DNAH11: variants seen among roughly 807,000 people sequenced by gnomAD.
DNAH11 encodes the protein axonemal beta dynein heavy chain 11.
Under a neutral mutation model 526.0 loss-of-function variants are expected in DNAH11, and 442 were observed. The observed-to-expected ratio is 0.84, with a 90% CI of 0.78 to 0.91. DNAH11 has a LOEUF of 0.91. Among genes scored for constraint, DNAH11 ranks in the 40% least tolerant of loss-of-function variants. The probability of loss-of-function intolerance (pLI) is 0.00; values close to 1 mark genes in which losing one functional copy is unlikely to be tolerated. For missense variants in DNAH11, 6,989 were observed against 5,448.7 expected (o/e 1.28, Z -8.90); for synonymous variants, 2,461 against 1,935.9 (o/e 1.27, Z -7.12).
At chr7:21,594,950 T>C (rs1784813076) in intron 14 of DNAH11, among the ~76,000 whole-genome samples, 1 of 152,118 alleles carries the variant, frequency 6.6e-6, no homozygotes, top group Admixed American at 6.5e-5. Context: ...TCTAAAAGGA[T>C]TTCTGGCTGT....
At chr7:21,850,334 C>T (rs945216019) in intron 66 of DNAH11, among the ~76,000 whole-genome samples, 132 of 133,330 alleles carry the variant, frequency 9.9e-4, no homozygotes, top group African/African-American at 3.5e-3. Flanking sequence ...CCAGCCTGGG[C>T]GACAGAGGAG....
Position 21,784,482 on chromosome 7 carries a change from TACTC to T in DNAH11, c.9541_9544del (p.Leu3181ArgfsTer24). On this transcript the variant is annotated frameshift_variant, in exon 58 of 82. Transcript: ENST00000409508. LOFTEE classifies it high-confidence loss of function. ...AAACAGAGAGAATGTGAAGCTGACT[TACTC>T]AAGGCTGAGCCTGCACTGGTGGCTG... The T allele has an allele frequency of 6.2e-7, 1 of 1,613,588 alleles. No individual in the cohort carries two copies. Among genetic ancestry groups the T allele is most frequent in the Non-Finnish European group, 8.5e-7 (1 of 1,179,700 alleles).
At chr7:21,789,816 C>CTTTCTTTCTTTCTTTCTTTCTTT (rs1788379929) in intron 61 of DNAH11, among the ~76,000 whole-genome samples, 14 of 70,148 alleles carry the variant, frequency 2.0e-4, no homozygotes, top group Non-Finnish European at 4.2e-4. Flanking sequence ...TTTTTTCTTT[C>CTTTCTTTCTTTCTTTCTTTCTTT]TTTCTTTCTT....
At chr7:21,814,726 T>G (rs1021835748) in intron 63 of DNAH11, among the ~76,000 whole-genome samples, 2 of 152,152 alleles carry the variant, frequency 1.3e-5, no homozygotes, top group Admixed American at 6.5e-5. Context: ...TATAATCTTA[T>G]GAAACCACTG....
intron 28 of DNAH11, among the ~76,000 whole-genome samples, chr7:21,654,721 A>G (rs1203552290): frequency 2.0e-5 from 3 of 152,222 alleles, no homozygotes; most frequent in Middle Eastern, 3.4e-3. Context: ...ATGTATTCCC[A>G]TTTCTGATAC....
chr7:21,622,728 C>T (rs1284940678), intron 25 of DNAH11, among the ~76,000 whole-genome samples: 5 of 151,966 alleles, frequency 3.3e-5, no homozygotes, highest in Admixed American at 6.6e-5. Context: ...AAGGATTCCC[C>T]ATTTAATAAA....
At chr7:21,874,742 T>C (rs897247083) in intron 74 of DNAH11, among the ~76,000 whole-genome samples, 2 of 152,024 alleles carry the variant, frequency 1.3e-5, no homozygotes, top group African/African-American at 4.8e-5. Context: ...CATTACTCTT[T>C]TTACCCAAAC....
chr7:21,601,367 GTGTATCTA>G, intron 17 of DNAH11, 21 bp from the exon 18 acceptor site: 1 of 1,572,790 alleles, frequency 6.4e-7, no homozygotes, highest in Non-Finnish European at 8.7e-7. Flanking sequence ...CTTAATTTGT[GTGTATCTA>G]TGTACATATA....
In DNAH11 at chr7:21,744,520, A is replaced by G. The variant is rs778293033; in HGVS notation, c.8237A>G (p.Tyr2746Cys). The G allele has an allele frequency of 1.2e-6, 2 of 1,613,928 alleles. No homozygotes were observed. Among genetic ancestry groups the G allele is most frequent in the South Asian group, 1.1e-5 (1 of 91,056 alleles). The change falls in exon 50 of 82, where the codon TAT becomes TGT. Residue 2746 changes from tyrosine to cysteine, a missense_variant. Transcript: ENST00000409508. ...HLWLHESARV[Y>C]GDKLIDKKDC... ...TGGCTTCATGAATCTGCCCGTGTTT[A>G]TGGAGACAAACTGATAGACAAAAAA...
chr7:21,588,136 C>G lies in DNAH11; in HGVS notation c.1783C>G (p.Leu595Val). 1.2e-6 allele frequency: 2 copies of G among 1,613,298 alleles called. No individual in the cohort carries two copies. Among genetic ancestry groups the G allele is most frequent in the South Asian group, 2.2e-5 (2 of 91,046 alleles). The change falls in exon 10 of 82, where the codon CTA becomes GTA. Residue 595 changes from leucine to valine, a missense_variant. Physicochemically the swap from Leu to Val is conservative, Grantham distance 32. Transcript: ENST00000409508. ...AATTTTCAGCCTACATTACAGCACACTAGTGCATATGTTTAATACAGAGCT... is the reference window on the plus strand; with the variant it reads ...AATTTTCAGCCTACATTACAGCACAGTAGTGCATATGTTTAATACAGAGCT... ...MEIFSLHYST[L>V]VHMFNTELDV...
chr7:21,639,934 C>G (rs1488286865), intron 28 of DNAH11, among the ~76,000 whole-genome samples: 2 of 151,858 alleles, frequency 1.3e-5, no homozygotes, highest in East Asian at 3.9e-4. Context: ...GAATCTGTGT[C>G]TGTTCACATT....
At chr7:21,554,682 C>A (rs778212355) in intron 2 of DNAH11, among the ~76,000 whole-genome samples, 21 of 152,166 alleles carry the variant, frequency 1.4e-4, no homozygotes, top group Non-Finnish European at 2.5e-4. Context: ...ATTGGTTCAG[C>A]TGGTTTGCTA....
chr7:21,761,287 T>G (rs1786892286), intron 54 of DNAH11, among the ~76,000 whole-genome samples: 1 of 152,216 alleles, frequency 6.6e-6, no homozygotes, highest in Non-Finnish European at 1.5e-5. Flanking sequence ...AAGGCTAGCG[T>G]GACACTCCCC....
chr7:21,641,158 C>G lies in DNAH11; in HGVS notation c.4944+2093C>G, dbSNP rs1787110216. Among the ~76,000 whole-genome samples the G allele has an allele frequency of 3.3e-5, 5 of 152,194 alleles. No homozygotes were observed. In the South Asian group the frequency reaches 8.3e-4, roughly 25 times the overall value. On this transcript the variant is annotated intron_variant, in intron 28 of 81. Transcript: ENST00000409508. Reference sequence around the variant, plus strand: ...CCTCCTTTTCTACCTAGGCAGATGTCCAAACAAGGGGCACATCAAAGATTC... The same window carrying G: ...CCTCCTTTTCTACCTAGGCAGATGTGCAAACAAGGGGCACATCAAAGATTC...
intron 54 of DNAH11, among the ~76,000 whole-genome samples, chr7:21,750,666 A>T (rs1485351980): frequency 6.6e-6 from 1 of 152,182 alleles, no homozygotes; most frequent in African/African-American, 2.4e-5. Context: ...CATACAGTAT[A>T]AATATAAACA....
chr7:21,875,801 A>G (rs530072202), intron 74 of DNAH11, among the ~76,000 whole-genome samples: 2 of 151,550 alleles, frequency 1.3e-5, no homozygotes, highest in East Asian at 1.9e-4. Context: ...TTTGACTGCT[A>G]TCTGGAAAGC....
chr7:21,622,438 A>AT (rs1786109855), intron 25 of DNAH11, among the ~76,000 whole-genome samples: 1 of 152,176 alleles, frequency 6.6e-6, no homozygotes, highest in Non-Finnish European at 1.5e-5. Context: ...CAAGCTACCA[A>AT]TGACTTTCTT....
chr7:21,626,473 C>T (rs548748408), intron 25 of DNAH11, among the ~76,000 whole-genome samples: 1 of 152,130 alleles, frequency 6.6e-6, no homozygotes, highest in South Asian at 2.1e-4. Context: ...GGGTATATAC[C>T]TAGTAGTGGA....
intron 28 of DNAH11, among the ~76,000 whole-genome samples, chr7:21,643,973 A>G (rs1787239693): frequency 6.6e-6 from 1 of 152,168 alleles, no homozygotes; most frequent in South Asian, 2.1e-4. Context: ...GCCACAATGC[A>G]TTCTGTAAAA....
Sources: gnomAD v4.1 joint callset for allele counts (sites outside exome capture counted in the v4.1 genomes callset) on GRCh38, gnomAD v4.1.1 for gene constraint, MANE v1.5 for transcripts, NCBI Gene and HGNC (gene_info 2026-07-23, HGNC 2026-07-21) for gene names.